PHACTR1: variants seen among roughly 807,000 people sequenced by gnomAD.
PHACTR1 encodes the protein RPEL repeat containing 1.
In PHACTR1, 16 loss-of-function variants were observed where a neutral mutation model predicts 69.2. That is an observed-to-expected ratio of 0.23 (90% CI 0.16 to 0.35). The LOEUF (loss-of-function observed/expected upper bound fraction) is 0.35, where lower values mean the gene tolerates loss of function less well. PHACTR1 is among the 10% of genes least tolerant of loss of function. The pLI, the probability that PHACTR1 is intolerant of heterozygous loss-of-function variation, is 1.00. For missense variants in PHACTR1, 510 were observed against 734.7 expected (o/e 0.69, Z 3.54); for synonymous variants, 312 against 284.5 (o/e 1.10, Z -0.97).
At chr6:12,825,493 A>G (rs1776699392) in intron 4 of PHACTR1, among the ~76,000 whole-genome samples, 1 of 152,222 alleles carries the variant, frequency 6.6e-6, no homozygotes. Context: ...AATGAACAGA[A>G]TAAGTTAATT....
chr6:13,100,754 C>A (rs1241070128), intron 5 of PHACTR1, among the ~76,000 whole-genome samples: 2 of 152,190 alleles, frequency 1.3e-5, no homozygotes, highest in African/African-American at 4.8e-5. Context: ...AGGAAGGATT[C>A]TGCAGAATGT....
intron 5 of PHACTR1, among the ~76,000 whole-genome samples, chr6:13,065,596 G>A (rs1372865597): frequency 1.3e-5 from 2 of 152,078 alleles, no homozygotes; most frequent in African/African-American, 4.8e-5. Flanking sequence ...GTTTGGTTGA[G>A]AGGGAAAATG....
At chr6:12,914,493 C>T (rs1420647372) in intron 4 of PHACTR1, among the ~76,000 whole-genome samples, 1 of 152,168 alleles carries the variant, frequency 6.6e-6, no homozygotes, top group Non-Finnish European at 1.5e-5. Flanking sequence ...GCGCTGAAGA[C>T]ATCTGTATCA....
At chr6:13,217,720 A>C (rs1367721314) in intron 8 of PHACTR1, among the ~76,000 whole-genome samples, 1 of 152,254 alleles carries the variant, frequency 6.6e-6, no homozygotes, top group African/African-American at 2.4e-5. Flanking sequence ...TCAACAAAAA[A>C]CAAAAGCTTT....
intron 5 of PHACTR1, among the ~76,000 whole-genome samples, chr6:13,153,531 T>A (rs16873636): frequency 6.6e-6 from 1 of 152,196 alleles, no homozygotes; most frequent in Non-Finnish European, 1.5e-5. Context: ...GCTTCTCATA[T>A]GTTGGTTTTG....
intron 4 of PHACTR1, among the ~76,000 whole-genome samples, chr6:12,842,840 C>T (rs562648913): frequency 2.0e-5 from 3 of 152,098 alleles, no homozygotes; most frequent in South Asian, 4.1e-4. Context: ...CTACCACACC[C>T]GGCCTAAAGG....
chr6:13,284,578 GTATA>G (rs10611107), intron 13 of PHACTR1, among the ~76,000 whole-genome samples: 69 of 97,772 alleles, frequency 7.1e-4, no homozygotes, highest in African/African-American at 2.8e-3. Flanking sequence ...ATAGATACAC[GTATA>G]TATATATATA....
chr6:13,186,969 C>G (rs992820229), intron 7 of PHACTR1, among the ~76,000 whole-genome samples: 2 of 152,142 alleles, frequency 1.3e-5, no homozygotes, highest in African/African-American at 4.8e-5. Flanking sequence ...AGACAGTGAC[C>G]GATCGTCAGG....
intron 8 of PHACTR1, among the ~76,000 whole-genome samples, chr6:13,219,530 C>T (rs561665196): frequency 2.6e-5 from 4 of 152,254 alleles, no homozygotes; most frequent in South Asian, 2.1e-4. Context: ...TTATCAGCAG[C>T]GCTCCGTTGT....
At chr6:13,010,202 A>G (rs1799289248) in intron 4 of PHACTR1, among the ~76,000 whole-genome samples, 1 of 151,918 alleles carries the variant, frequency 6.6e-6, no homozygotes, top group Admixed American at 6.6e-5. Flanking sequence ...ATCTCGGCTC[A>G]CTGCAATGTC....
At chr6:12,755,316 G>A (rs1408145155) in intron 4 of PHACTR1, among the ~76,000 whole-genome samples, 1 of 152,118 alleles carries the variant, frequency 6.6e-6, no homozygotes, top group Non-Finnish European at 1.5e-5. Context: ...AAGACCATGG[G>A]CAAGCCATTT....
At chr6:13,078,273 C>G (rs1410518413) in intron 5 of PHACTR1, among the ~76,000 whole-genome samples, 1 of 152,168 alleles carries the variant, frequency 6.6e-6, no homozygotes, top group African/African-American at 2.4e-5. Flanking sequence ...ATCACCCTGA[C>G]CTCTGCCTTC....
At chr6:13,145,489 T>C (rs1305224875) in intron 5 of PHACTR1, among the ~76,000 whole-genome samples, 1 of 152,166 alleles carries the variant, frequency 6.6e-6, no homozygotes, top group Non-Finnish European at 1.5e-5. Context: ...TAAGAAGTGA[T>C]CACAGTTTAT....
intron 8 of PHACTR1, among the ~76,000 whole-genome samples, chr6:13,207,590 ATG>A (rs112423592): frequency 0.024 from 3,647 of 150,540 alleles, 67 homozygotes; most frequent in Non-Finnish European, 0.04. Context: ...ACATGAGTGT[ATG>A]TGTGTGTGTG....
intron 8 of PHACTR1, among the ~76,000 whole-genome samples, chr6:13,224,821 G>A (rs184732718): frequency 1.8e-4 from 27 of 152,306 alleles, no homozygotes; most frequent in African/African-American, 5.5e-4. Context: ...TCTTAGATCC[G>A]AGTTTTAGAA....
chr6:12,739,023 T>G (rs1221236994), intron 3 of PHACTR1, among the ~76,000 whole-genome samples: 2 of 152,234 alleles, frequency 1.3e-5, no homozygotes, highest in African/African-American at 4.8e-5. Flanking sequence ...GACTTCATTG[T>G]TTTTGTGTTC....
chr6:13,091,456 A>C (rs984910200), intron 5 of PHACTR1, among the ~76,000 whole-genome samples: 1 of 152,218 alleles, frequency 6.6e-6, no homozygotes, highest in Non-Finnish European at 1.5e-5. Flanking sequence ...GACAAGAATG[A>C]GAACATAGCT....
intron 4 of PHACTR1, among the ~76,000 whole-genome samples, chr6:12,934,562 G>A (rs777550516): frequency 6.6e-6 from 1 of 152,212 alleles, no homozygotes; most frequent in Non-Finnish European, 1.5e-5. Context: ...AGGGCCGGGT[G>A]TGGTGGCTCA....
At chr6:12,757,566 C>G (rs946381488) in intron 4 of PHACTR1, among the ~76,000 whole-genome samples, 1 of 152,066 alleles carries the variant, frequency 6.6e-6, no homozygotes, top group East Asian at 1.9e-4. Context: ...GGTGGTGGCT[C>G]ATCAGCGTGG....
Sources: allele counts gnomAD v4.1 joint callset (sites outside exome capture counted in the v4.1 genomes callset), GRCh38; gene constraint gnomAD v4.1.1; transcripts MANE v1.5; gene names NCBI Gene and HGNC (gene_info 2026-07-23, HGNC 2026-07-21).